Variants in PTPN12 observed in about 807,000 individuals in gnomAD.
PTPN12 encodes the protein tyrosine-protein phosphatase non-receptor type 12.
In PTPN12, 29 loss-of-function variants were observed where a neutral mutation model predicts 97.6. The observed-to-expected ratio is 0.30, with a 90% CI of 0.22 to 0.41. The LOEUF is 0.41. Among genes scored for constraint, PTPN12 ranks in the 10% least tolerant of loss-of-function variants. The probability of loss-of-function intolerance (pLI) is 1.00; values close to 1 mark genes in which losing one functional copy is unlikely to be tolerated. For synonymous variants in PTPN12, 327 were observed against 300.4 expected (o/e 1.09, Z -0.91); for missense variants, 819 against 926.0 (o/e 0.88, Z 1.50).
intron 13 of PTPN12, among the ~76,000 whole-genome samples, chr7:77,628,465 T>C (rs1348025334): frequency 2.0e-5 from 3 of 152,146 alleles, no homozygotes; most frequent in Non-Finnish European, 2.9e-5. Flanking sequence ...ATATTGATTA[T>C]CAGTGGTCAC....
At chr7:77,578,718 C>T (rs1456487416) in intron 2 of PTPN12, among the ~76,000 whole-genome samples, 1 of 152,134 alleles carries the variant, frequency 6.6e-6, no homozygotes, top group African/African-American at 2.4e-5. Context: ...CTTTGATACT[C>T]ATTCATGGAT....
intron 13 of PTPN12, among the ~76,000 whole-genome samples, chr7:77,629,036 G>A (rs1014242662): frequency 2.0e-5 from 3 of 152,092 alleles, no homozygotes; most frequent in Non-Finnish European, 4.4e-5. Flanking sequence ...TGCAACCTCC[G>A]CCTCCTGGGT....
In PTPN12 at chr7:77,626,872, C is replaced by T; in HGVS notation, c.1193C>T (p.Ser398Leu). 1 of 1,613,226 alleles carries T rather than the reference C, an allele frequency of 6.2e-7. No individual in the cohort carries two copies. The highest frequency in any genetic ancestry group is 8.5e-7 in the Non-Finnish European group (1 of 1,179,288). The change falls in exon 13 of 18, where the codon TCA becomes TTA. Residue 398 changes from serine (S) to leucine (L), a missense_variant. Transcript: ENST00000248594. ...HPKPVLHMVS[S>L]EQHSADLNRN... ...AAGCCAGTGTTGCATATGGTTTCAT[C>T]AGAACAACATTCAGCAGACCTCAAC...
At chr7:77,572,343 G>A (rs920931630) in intron 2 of PTPN12, among the ~76,000 whole-genome samples, 3 of 152,112 alleles carry the variant, frequency 2.0e-5, no homozygotes, top group Non-Finnish European at 4.4e-5. Flanking sequence ...GCCAGATTTG[G>A]TGGTCTTTTT....
At chr7:77,582,395 C>T (rs1431694619) in intron 3 of PTPN12, among the ~76,000 whole-genome samples, 1 of 151,868 alleles carries the variant, frequency 6.6e-6, no homozygotes, top group African/African-American at 2.4e-5. Flanking sequence ...GATTTTTAAT[C>T]TTTCAAGTGA....
chr7:77,619,624 A>G (rs1281104508), intron 12 of PTPN12, among the ~76,000 whole-genome samples: 1 of 152,174 alleles, frequency 6.6e-6, no homozygotes, highest in Admixed American at 6.5e-5. Flanking sequence ...TAACTTTAGC[A>G]TTTGCCACTG....
At chr7:77,629,633 TG>T (rs1399084697) in intron 13 of PTPN12, among the ~76,000 whole-genome samples, 1 of 151,994 alleles carries the variant, frequency 6.6e-6, no homozygotes, top group Non-Finnish European at 1.5e-5. Flanking sequence ...TGATGTGATA[TG>T]CTTATTAAAA....
intron 9 of PTPN12, among the ~76,000 whole-genome samples, chr7:77,609,905 C>CA (rs1456747077): frequency 1.3e-5 from 2 of 149,898 alleles, no homozygotes; most frequent in Admixed American, 6.7e-5. Flanking sequence ...AAAAAAAAAA[C>CA]CCAAAAATCT....
At position 77,626,555 on chromosome 7, in the gene PTPN12, A is replaced by C. The variant is rs937160909; in HGVS notation, c.1026-150A>C. On this transcript the variant is annotated intron_variant, in intron 12 of 17. Transcript: ENST00000248594. ...ACAGTATATGTGTATTACCTTGATG[A>C]ACATTAAATTTTCTTAGTCTGAAAA... The C allele has an allele frequency of 8.2e-6, 6 of 731,730 alleles. No individual in the cohort carries two copies. The African/African-American group carries it at 8.9e-5, about 11-fold the overall frequency. 45.3% of individuals were successfully genotyped at this position (731,730 alleles called of 1,614,324 possible). A position where few individuals can be genotyped will look rare whatever the true frequency, so the allele number is the denominator to read the frequency against.
At position 77,605,945 on chromosome 7, in the gene PTPN12, C is replaced by CTTTTTTTTTT. The variant is rs10648385; in HGVS notation, c.696-1273_696-1264dup. Reference sequence around the variant, plus strand: ...TCCTGTACTCTAAAACAAGAGCCATCTTTTTTTTTTTTTTTTTTTTTTTTT... The same window carrying CTTTTTTTTTT: ...TCCTGTACTCTAAAACAAGAGCCATCTTTTTTTTTTTTTTTTTTTTTTTTTTTTTTTTTTT... On this transcript the variant is annotated intron_variant, in intron 8 of 17. Transcript: ENST00000248594. 1.2e-4 allele frequency among the ~76,000 whole-genome samples: 6 copies of CTTTTTTTTTT among 51,918 alleles called. 1 individual carries two copies. Among genetic ancestry groups the CTTTTTTTTTT allele is most frequent in the Admixed American group, 3.3e-4 (1 of 3,012 alleles). The allele number at this position is 51,918 out of a possible 152,430, so 34.1% of individuals were successfully genotyped here. A position where few individuals can be genotyped will look rare whatever the true frequency, so the allele number is the denominator to read the frequency against.
In PTPN12 at chr7:77,571,056, TTTTTATTTGTTGTATTTTAA is replaced by T; in HGVS notation, c.100-21_100-2del. The T allele has an allele frequency of 6.8e-7, 1 of 1,467,720 alleles. No individual in the cohort carries two copies. Among genetic ancestry groups the T allele is most frequent in the East Asian group, 2.5e-5 (1 of 39,996 alleles). 90.9% of individuals were successfully genotyped at this position (1,467,720 alleles called of 1,614,324 possible). On this transcript the variant is annotated splice_acceptor_variant and splice_polypyrimidine_tract_variant and intron_variant, in intron 1 of 17. Coordinates refer to ENST00000248594, the MANE Select transcript of PTPN12 (RefSeq NM_002835.4). LOFTEE classifies it high-confidence loss of function. ...ATATCACTGTTTCTCTAAACTTTAATTTTTATTTGTTGTATTTTAAGCGGTTAAGAAGATTGTCTACCAAA... is the reference window on the plus strand; with the variant it reads ...ATATCACTGTTTCTCTAAACTTTAATGCGGTTAAGAAGATTGTCTACCAAA...
intron 1 of PTPN12, among the ~76,000 whole-genome samples, chr7:77,561,187 A>C (rs1807980240): frequency 6.6e-6 from 1 of 152,092 alleles, no homozygotes; most frequent in African/African-American, 2.4e-5. Flanking sequence ...GGCCTCCCAA[A>C]GTGCTTGGGT....
At chr7:77,578,070 C>T (rs948668518) in intron 2 of PTPN12, among the ~76,000 whole-genome samples, 1 of 152,162 alleles carries the variant, frequency 6.6e-6, no homozygotes, top group African/African-American at 2.4e-5. Flanking sequence ...TGGCACCAGT[C>T]CTAACTATCA....
chr7:77,540,238 TC>T (rs1187149226), intron 1 of PTPN12, among the ~76,000 whole-genome samples: 40 of 140,008 alleles, frequency 2.9e-4, no homozygotes, highest in Admixed American at 7.0e-4. Flanking sequence ...TTTCTTTCTT[TC>T]TTTCTTTTTT....
intron 2 of PTPN12, among the ~76,000 whole-genome samples, chr7:77,575,892 C>T (rs929663112): frequency 5.9e-5 from 9 of 152,060 alleles, no homozygotes; most frequent in Non-Finnish European, 1.3e-4. Context: ...CATTCTGTTG[C>T]CCAGGCTGGA....
At chr7:77,585,685 T>A (rs540856249) in intron 5 of PTPN12, 104 bp downstream of exon 5, 1 of 983,324 alleles carries the variant, frequency 1.0e-6, no homozygotes, top group Admixed American at 2.2e-5. Context: ...GATACTTCTT[T>A]TATTTTGGGG....
intron 2 of PTPN12, among the ~76,000 whole-genome samples, chr7:77,579,927 T>C (rs747623835): frequency 4.6e-5 from 7 of 152,256 alleles, no homozygotes; most frequent in Non-Finnish European, 7.3e-5. Context: ...ATGAAAAGTT[T>C]GGTAATACCC....
At chr7:77,625,971 G>T (rs1468047193) in intron 12 of PTPN12, among the ~76,000 whole-genome samples, 1 of 152,194 alleles carries the variant, frequency 6.6e-6, no homozygotes, top group Non-Finnish European at 1.5e-5. Context: ...GGAAACAGGA[G>T]AATCTGAAAC....
In PTPN12 at chr7:77,627,048, A is replaced by G; in HGVS notation, c.1369A>G (p.Asn457Asp). The change falls in exon 13 of 18, where the codon AAT becomes GAT. Residue 457 changes from asparagine to aspartate, a missense_variant. Physicochemically the swap from Asn to Asp is conservative, Grantham distance 23. Transcript: ENST00000248594. ...AAGTTTTGATGGGAACACACTTTTG[A>G]ATAGGGGACATGCAATTAAAATTAA... is the stretch of plus-strand genomic sequence containing the variant. Reference protein sequence around the residue: ...PKSFDGNTLLNRGHAIKIKSA... With the variant: ...PKSFDGNTLLDRGHAIKIKSA... 2 of 1,613,592 alleles carry G rather than the reference A, an allele frequency of 1.2e-6. No homozygotes were observed. The highest frequency in any genetic ancestry group is 1.7e-6 in the Non-Finnish European group (2 of 1,179,740).
Sources: allele counts gnomAD v4.1 joint callset (sites outside exome capture counted in the v4.1 genomes callset), GRCh38; gene constraint gnomAD v4.1.1; transcripts MANE v1.5; gene names NCBI Gene and HGNC (gene_info 2026-07-23, HGNC 2026-07-21).